Variants in LOXL3 observed in about 807,000 individuals in gnomAD.
The protein encoded by LOXL3 is lysyl oxidase like 3.
LOXL3 carries 60 observed loss-of-function variants against 91.8 expected under a neutral mutation model. The observed-to-expected ratio is 0.65, with a 90% CI of 0.53 to 0.81. The LOEUF (loss-of-function observed/expected upper bound fraction) is 0.81, where lower values mean the gene tolerates loss of function less well. Ranked by LOEUF, LOXL3 falls within the 30% of genes least tolerant of loss-of-function variation. The pLI is 0.00. For synonymous variants in LOXL3, 355 were observed against 387.6 expected, an observed-to-expected ratio of 0.92 and a Z score of 0.99; for missense variants, 874 against 1,000.4, an observed-to-expected ratio of 0.87 and a Z score of 1.70.
In LOXL3 at chr2:74,532,436, T is replaced by A. The variant is rs946655208; in HGVS notation, c.*1170A>T. The A allele has an allele frequency of 1.1e-5, 7 of 652,792 alleles. No homozygotes were observed. The highest frequency in any genetic ancestry group is 2.0e-5 in the Non-Finnish European group (7 of 354,776). The allele number at this position is 652,792 out of a possible 1,614,324, so 40.4% of individuals were successfully genotyped here. A position where few individuals can be genotyped will look rare whatever the true frequency, so the allele number is the denominator to read the frequency against. On this transcript the variant is annotated 3_prime_UTR_variant, in exon 14 of 14. Coordinates refer to ENST00000264094, the MANE Select transcript of LOXL3 (RefSeq NM_032603.5). ...ATTTGGTGCCCTCATGTGGTGTACA[T>A]CTTTTATGTACATGTTGCACTTTAT... is the stretch of plus-strand genomic sequence containing the variant.
upstream of LOXL3, chr2:74,554,609 T>G: frequency 1.4e-6 from 1 of 716,670 alleles, no homozygotes; most frequent in African/African-American, 1.8e-5. This position sits in a 1 kb window ranked among gnomAD's most constrained non-coding sequence, Gnocchi z 4.9. Context: ...TCCTTCTCGC[T>G]CCTCTCCCTC....
At chr2:74,544,410 T>C (rs540407374) in intron 4 of LOXL3, among the ~76,000 whole-genome samples, 2 of 152,382 alleles carry the variant, frequency 1.3e-5, no homozygotes, top group South Asian at 4.1e-4. Context: ...AGGTCTTCTA[T>C]GATCTGCAGC....
Position 74,550,183 on chromosome 2 carries a change from A to G in LOXL3, c.477+2T>C. Reference sequence around the variant, plus strand: ...GTGTGTGTATGTCTAGGAAATGCAGACCTCAATGACATTGGAGTCCGAGAA... The same window carrying G: ...GTGTGTGTATGTCTAGGAAATGCAGGCCTCAATGACATTGGAGTCCGAGAA... On this transcript the variant is annotated splice_donor_variant, in intron 3 of 13. Coordinates refer to ENST00000264094, the MANE Select transcript of LOXL3 (RefSeq NM_032603.5). LOFTEE classifies it high-confidence loss of function. 6.2e-7 allele frequency: 1 copy of G among 1,612,534 alleles called. No homozygotes were observed. The highest frequency in any genetic ancestry group is 8.5e-7 in the Non-Finnish European group (1 of 1,179,084).
At chr2:74,554,377 G>A, upstream of LOXL3, 1 of 244,586 alleles carries the variant, frequency 4.1e-6, no homozygotes, top group Non-Finnish European at 8.0e-6. The surrounding 1 kb of genome is among the most constrained non-coding windows in gnomAD (Gnocchi z 4.9). Context: ...CCGGAGGCCC[G>A]TGTGGGTCTC....
upstream of LOXL3, chr2:74,555,250 G>A: frequency 1.2e-6 from 2 of 1,613,974 alleles, no homozygotes; most frequent in Non-Finnish European, 1.7e-6. This position sits in a 1 kb window ranked among gnomAD's most constrained non-coding sequence, Gnocchi z 6.1. Context: ...CTCTGGGGGT[G>A]GCCGAGGGAG....
At position 74,534,603 on chromosome 2, in the gene LOXL3, A is replaced by G; in HGVS notation, c.1751T>C (p.Ile584Thr). 1 of 1,614,164 alleles carries G rather than the reference A, an allele frequency of 6.2e-7. No individual in the cohort carries two copies. Among genetic ancestry groups the G allele is most frequent in the Non-Finnish European group, 8.5e-7 (1 of 1,180,012 alleles). Residue 584 changes from isoleucine to threonine, a missense_variant, in exon 10 of 14, where the codon ATC (isoleucine) becomes ACC (threonine). Ile to Thr is a moderately conservative substitution (Grantham distance 89). Transcript: ENST00000264094. ...HRRLLRFSSQ[I>T]HNLGRADFRP... is the part of the protein sequence containing the mutation. ...GAAGTCAGCTCGTCCCAGGTTGTGG[A>G]TCTGGGAGGAGAATCGGAGCAGACG...
chr2:74,555,121 A>G (rs375038866), upstream of LOXL3: 253 of 1,584,996 alleles, frequency 1.6e-4, 2 homozygotes, highest in African/African-American at 2.9e-3. The surrounding 1 kb of genome is among the most constrained non-coding windows in gnomAD (Gnocchi z 6.1). Context: ...TGCGCACGCC[A>G]CTCCCTCTCG....
chr2:74,552,112 C>T (rs545929173), intron 2 of LOXL3, among the ~76,000 whole-genome samples: 2 of 152,302 alleles, frequency 1.3e-5, no homozygotes, highest in East Asian at 3.9e-4. Context: ...GCATACAGGG[C>T]ATCTGAGGCT....
In LOXL3 at chr2:74,549,473, G is replaced by C; in HGVS notation, c.588C>G (p.Gly196=). 1 of 1,613,324 alleles carries C rather than the reference G, an allele frequency of 6.2e-7. No individual in the cohort carries two copies. The highest frequency in any genetic ancestry group is 1.1e-5 in the South Asian group (1 of 90,970). Residue 196 remains glycine, a synonymous_variant, in exon 4 of 14, where the codon GGC becomes GGG. Transcript: ENST00000264094. The surrounding 1 kb of genome is among the most constrained non-coding windows in gnomAD (Gnocchi z 5.3). ...AGCCTTTGTCGCACACTTGCGACCA[G>C]CCGTCAGGAAGCCTGACTTCCACCA... ...EGLVEVRLPD[G]WSQVCDKGWS...
intron 4 of LOXL3, among the ~76,000 whole-genome samples, chr2:74,537,472 G>A (rs1676095556): frequency 6.6e-6 from 1 of 152,202 alleles, no homozygotes; most frequent in South Asian, 2.1e-4. Flanking sequence ...AGATTAGGAG[G>A]GGCAGATGCA....
Position 74,533,567 on chromosome 2 carries a change from C to A in LOXL3, c.*39G>T. The A allele has an allele frequency of 6.3e-7, 1 of 1,594,484 alleles. No homozygotes were observed. Among genetic ancestry groups the A allele is most frequent in the South Asian group, 1.1e-5 (1 of 90,322 alleles). On this transcript the variant is annotated 3_prime_UTR_variant, in exon 14 of 14. Transcript: ENST00000264094. ...GGTAATGGCAGCCTCAGACCCCTGCCATTAGGGGCCAGTGGTGGTTTGCAG... is the reference window on the plus strand; with the variant it reads ...GGTAATGGCAGCCTCAGACCCCTGCAATTAGGGGCCAGTGGTGGTTTGCAG...
intron 4 of LOXL3, among the ~76,000 whole-genome samples, chr2:74,539,548 G>A (rs1052282185): frequency 2.0e-5 from 3 of 152,142 alleles, no homozygotes; most frequent in Non-Finnish European, 2.9e-5. Flanking sequence ...CAAGCTATTT[G>A]GGGTAGGTGT....
At chr2:74,546,508 G>A (rs1676599827) in intron 4 of LOXL3, among the ~76,000 whole-genome samples, 1 of 152,046 alleles carries the variant, frequency 6.6e-6, no homozygotes, top group African/African-American at 2.4e-5. Context: ...AGGAGAAGGA[G>A]AGGCCTTATC....
chr2:74,532,668 C>A lies in LOXL3; in HGVS notation c.*938G>T, dbSNP rs1372057304. 3.1e-6 allele frequency: 5 copies of A among 1,613,826 alleles called. No homozygotes were observed. Among genetic ancestry groups the A allele is most frequent in the Non-Finnish European group, 8.5e-7 (1 of 1,180,036 alleles). ...AGAACCAAGCTTTCCCGATGTTCAG[C>A]ATGGTGTACTCATCCATAAAGTCAT... On this transcript the variant is annotated 3_prime_UTR_variant, in exon 14 of 14. Transcript: ENST00000264094.
In LOXL3 at chr2:74,535,421, C is replaced by T. The variant is rs1178246345; in HGVS notation, c.1450G>A (p.Glu484Lys). ...CAGCGCACTCCACTCATCACCACCT[C>T]TGTTATATTCCCAGAGTCCCAGTAC... ...TWYWDSGNIT[E>K]VVMSGVRCTG... is the part of the protein sequence containing the mutation. The change falls in exon 9 of 14, where the codon GAG becomes AAG. Residue 484 changes from glutamate to lysine, a missense_variant. Physicochemically the swap from Glu to Lys is moderately conservative, Grantham distance 56. Coordinates refer to ENST00000264094, the MANE Select transcript of LOXL3 (RefSeq NM_032603.5). This position sits in a 1 kb window ranked among gnomAD's most constrained non-coding sequence, Gnocchi z 4.2. The T allele has an allele frequency of 1.2e-6, 2 of 1,614,100 alleles. No homozygotes were observed. The highest frequency in any genetic ancestry group is 3.3e-5 in the Admixed American group (2 of 60,024).
At chr2:74,540,730 CA>C (rs571575230) in intron 4 of LOXL3, among the ~76,000 whole-genome samples, 3,532 of 145,948 alleles carry the variant, frequency 0.024, 124 homozygotes, top group African/African-American at 0.073. Flanking sequence ...AGCCATGGTG[CA>C]ACCATGGCTC....
chr2:74,553,241 G>A (rs1677140119), intron 1 of LOXL3, among the ~76,000 whole-genome samples: 1 of 152,150 alleles, frequency 6.6e-6, no homozygotes, highest in African/African-American at 2.4e-5. Flanking sequence ...AGGCGGCCCT[G>A]GGATCACAGA....
chr2:74,540,958 C>T (rs993946842), intron 4 of LOXL3, among the ~76,000 whole-genome samples: 1 of 152,298 alleles, frequency 6.6e-6, no homozygotes, highest in South Asian at 2.1e-4. Flanking sequence ...GCCACTGAGC[C>T]CAGCCTTAGT....
intron 4 of LOXL3, among the ~76,000 whole-genome samples, chr2:74,538,376 G>A (rs906456713): frequency 3.3e-5 from 5 of 152,234 alleles, no homozygotes; most frequent in Middle Eastern, 3.2e-3. Context: ...GCTGGGGAAT[G>A]AGGGCTATGA....
Sources: allele counts gnomAD v4.1 joint callset (sites outside exome capture counted in the v4.1 genomes callset), GRCh38; gene constraint gnomAD v4.1.1; non-coding constraint Gnocchi (gnomAD v3.1); transcripts MANE v1.5; gene names NCBI Gene and HGNC (gene_info 2026-07-23, HGNC 2026-07-21).